GATAD2A: variants seen among roughly 807,000 people sequenced by gnomAD.
GATAD2A encodes the protein GATA zinc finger domain containing 2A, also known as transcriptional repressor p66-alpha.
Under a neutral mutation model 68.5 loss-of-function variants are expected in GATAD2A, and 12 were observed. The ratio of observed to expected loss-of-function variants is 0.18; its 90% CI spans 0.11 to 0.28. The LOEUF is 0.28. Ranked by LOEUF, GATAD2A falls within the 10% of genes least tolerant of loss-of-function variation. The probability of loss-of-function intolerance (pLI) is 1.00; values close to 1 mark genes in which losing one functional copy is unlikely to be tolerated. For synonymous variants in GATAD2A, 410 were observed against 375.3 expected (o/e 1.09, Z -1.07); for missense variants, 755 against 868.5 (o/e 0.87, Z 1.64).
chr19:19,425,503 C>A (rs530888144), intron 1 of GATAD2A, among the ~76,000 whole-genome samples: 12 of 152,332 alleles, frequency 7.9e-5, no homozygotes, highest in African/African-American at 2.9e-4. Context: ...TGTTTACCCC[C>A]TTTCCCCTTA....
chr19:19,470,214 G>A (rs547353379), intron 2 of GATAD2A, among the ~76,000 whole-genome samples: 32 of 143,630 alleles, frequency 2.2e-4, no homozygotes, highest in African/African-American at 7.2e-4. Context: ...GCAGTGGCAC[G>A]ATCTCCACCT....
rs372176008 is a variant in GATAD2A, at chr19:19,410,260, G to A, written c.-7+4241G>A. 1.3e-4 allele frequency among the ~76,000 whole-genome samples: 19 copies of A among 150,302 alleles called. No individual in the cohort carries two copies. In the East Asian group the frequency reaches 2.8e-3, roughly 22 times the overall value. ...ATGCTGGAGGCTAGCTTCTGAGATAGGATTTGCTGGCAGGAGATGAGCAGT... is the reference window on the plus strand; with the variant it reads ...ATGCTGGAGGCTAGCTTCTGAGATAAGATTTGCTGGCAGGAGATGAGCAGT... On this transcript the variant is annotated intron_variant, in intron 1 of 11. Transcript: ENST00000683918.
chr19:19,499,069 C>T (rs972248156), intron 8 of GATAD2A, among the ~76,000 whole-genome samples: 3 of 152,248 alleles, frequency 2.0e-5, no homozygotes, highest in African/African-American at 7.2e-5. Context: ...GGAGTTGTGA[C>T]ACACAGGCAG....
chr19:19,427,214 A>G (rs1033101883), intron 1 of GATAD2A, among the ~76,000 whole-genome samples: 23 of 152,138 alleles, frequency 1.5e-4, no homozygotes, highest in African/African-American at 3.9e-4. Context: ...TGGATGGATG[A>G]TGGTTGCACA....
At chr19:19,422,932 C>T (rs1427130661) in intron 1 of GATAD2A, among the ~76,000 whole-genome samples, 4 of 151,966 alleles carry the variant, frequency 2.6e-5, no homozygotes, top group African/African-American at 4.8e-5. Context: ...AGGATGGTCT[C>T]GATCTCCTGA....
At chr19:19,501,893 T>A in intron 9 of GATAD2A, 76 bp from the exon 10 acceptor site, 3 of 1,143,766 alleles carry the variant, frequency 2.6e-6, no homozygotes, top group Non-Finnish European at 4.0e-6. Flanking sequence ...GGGCCTGTCC[T>A]GTGGGGCTCA....
chr19:19,429,841 TTC>T (rs1372887132), intron 1 of GATAD2A, among the ~76,000 whole-genome samples: 1 of 152,040 alleles, frequency 6.6e-6, no homozygotes, highest in East Asian at 2.0e-4. Flanking sequence ...CCGGGGCTGA[TTC>T]TCCGCATCTC....
At chr19:19,398,015 T>C (rs560775488) in intron 1 of GATAD2A, among the ~76,000 whole-genome samples, 5 of 152,122 alleles carry the variant, frequency 3.3e-5, no homozygotes, top group African/African-American at 1.2e-4. Flanking sequence ...GCAATTTTCC[T>C]GCCTCAGCTT....
intron 11 of GATAD2A, 54 bp downstream of exon 11, chr19:19,502,580 C>A: frequency 7.3e-7 from 1 of 1,362,014 alleles, no homozygotes; most frequent in South Asian, 1.3e-5. Context: ...GGGGTTCACC[C>A]TTCCTTAACC....
intron 1 of GATAD2A, among the ~76,000 whole-genome samples, chr19:19,426,162 C>T (rs553760716): frequency 5.6e-4 from 85 of 152,164 alleles, no homozygotes; most frequent in Non-Finnish European, 9.7e-4. Context: ...CTGGAGTTTC[C>T]CTTGTCTAGA....
chr19:19,405,379 G>T (rs541927344), upstream of GATAD2A, among the ~76,000 whole-genome samples: 3 of 152,320 alleles, frequency 2.0e-5, no homozygotes, highest in South Asian at 6.2e-4. Context: ...GGTCAGCAGT[G>T]AGCGCGTCGT....
intron 1 of GATAD2A, among the ~76,000 whole-genome samples, chr19:19,430,498 A>G (rs575056289): frequency 7.9e-4 from 120 of 152,324 alleles, no homozygotes; most frequent in African/African-American, 2.8e-3. Flanking sequence ...GTTGTTGGCC[A>G]TGTCATGTTC....
At chr19:19,478,025 GT>G (rs2058792926) in intron 2 of GATAD2A, among the ~76,000 whole-genome samples, 1 of 152,188 alleles carries the variant, frequency 6.6e-6, no homozygotes, top group Non-Finnish European at 1.5e-5. Context: ...GATTAAATAG[GT>G]TTTATAAGCA....
intron 1 of GATAD2A, among the ~76,000 whole-genome samples, chr19:19,435,522 G>A (rs1418525047): frequency 6.6e-6 from 1 of 152,196 alleles, no homozygotes; most frequent in East Asian, 1.9e-4. Context: ...ACTGTGCCTG[G>A]CCTGTTTCTG....
chr19:19,465,265 C>A, intron 1 of GATAD2A, 75 bp from the exon 2 acceptor site: 1 of 1,120,960 alleles, frequency 8.9e-7, no homozygotes, highest in Non-Finnish European at 1.4e-6. Flanking sequence ...CTGAAAGCAA[C>A]ACTGAAAAGT....
Position 19,495,816 on chromosome 19 carries a change from G to A in GATAD2A, c.687G>A (p.Gln229=). The change falls in exon 6 of 12, where the codon CAG becomes CAA. Residue 229 remains glutamine (Q), a synonymous_variant. Coordinates refer to ENST00000683918, the MANE Select transcript of GATAD2A (RefSeq NM_001384528.1). ...IPPPLVRGGQ[Q]ASSKLGPQAS... ...CGCCCCTGGTCCGAGGTGGGCAGCA[G>A]GCGTCCTCGAAGCTGGGGCCACAGG... 1 of 1,613,730 alleles carries A rather than the reference G, an allele frequency of 6.2e-7. No individual in the cohort carries two copies.
intron 2 of GATAD2A, among the ~76,000 whole-genome samples, chr19:19,484,570 G>A (rs1358102418): frequency 1.6e-5 from 2 of 125,206 alleles, no homozygotes; most frequent in Admixed American, 1.0e-4. Context: ...TCTGGCTGTC[G>A]CCCAGGCTGG....
At chr19:19,437,035 GC>G (rs1600120593) in intron 1 of GATAD2A, among the ~76,000 whole-genome samples, 1 of 152,188 alleles carries the variant, frequency 6.6e-6, no homozygotes, top group East Asian at 1.9e-4. Context: ...TCTTCATATG[GC>G]AAGAAAATAT....
rs2060958978 is a variant in GATAD2A at position 19,508,437 on chromosome 19, G to A, written c.*2963G>A. On this transcript the variant is annotated 3_prime_UTR_variant, in exon 12 of 12. Transcript: ENST00000683918. ...GTCTTACCTGTACTCCACGGACCTC[G>A]GTGAAGCAAAAGCTTCAGGGCAGAG... 6.6e-6 allele frequency: 1 copy of A among 152,232 alleles called. No homozygotes were observed. Among genetic ancestry groups the A allele is most frequent in the Admixed American group, 6.5e-5 (1 of 15,276 alleles). The allele number at this position is 152,232 out of a possible 1,614,324, so 9.4% of individuals were successfully genotyped here.
Sources: allele counts gnomAD v4.1 joint callset (sites outside exome capture counted in the v4.1 genomes callset), GRCh38; gene constraint gnomAD v4.1.1; transcripts MANE v1.5; gene names NCBI Gene and HGNC (gene_info 2026-07-23, HGNC 2026-07-21).